MAST4: variants seen among roughly 807,000 people sequenced by gnomAD.
MAST4 encodes the protein microtubule-associated serine/threonine-protein kinase 4.
A neutral mutation model predicts 162.7 loss-of-function variants in MAST4; 89 were observed. The observed-to-expected ratio is 0.55, with a 90% CI of 0.46 to 0.65. The LOEUF is 0.65. Ranked by LOEUF, MAST4 falls within the 30% of genes least tolerant of loss-of-function variation. MAST4 has a pLI of 0.00. For missense variants in MAST4, 3,153 were observed against 3,374.0 expected (o/e 0.93, Z 1.62); for synonymous variants, 1,479 against 1,361.1 (o/e 1.09, Z -1.91).
chr5:67,029,368 A>G (rs1183944677), intron 4 of MAST4, among the ~76,000 whole-genome samples: 1 of 152,138 alleles, frequency 6.6e-6, no homozygotes, highest in African/African-American at 2.4e-5. Context: ...CCATCCTTAT[A>G]CTTATGTTTC....
intron 2 of MAST4, among the ~76,000 whole-genome samples, chr5:66,768,195 A>G (rs1421791755): frequency 6.6e-6 from 1 of 152,360 alleles, no homozygotes; most frequent in East Asian, 1.9e-4. Context: ...CTGGAAGGGT[A>G]TGAAGGGTCA....
At chr5:66,831,552 T>G (rs1757598542) in intron 3 of MAST4, among the ~76,000 whole-genome samples, 1 of 152,218 alleles carries the variant, frequency 6.6e-6, no homozygotes, top group Non-Finnish European at 1.5e-5. Flanking sequence ...CTATTAGTGG[T>G]GTTTTTAAAA....
At chr5:67,052,239 G>C (rs1386988634) in intron 4 of MAST4, among the ~76,000 whole-genome samples, 1 of 152,084 alleles carries the variant, frequency 6.6e-6, no homozygotes, top group Non-Finnish European at 1.5e-5. Context: ...TATTTATAAA[G>C]ATTAGAAATC....
At chr5:66,804,313 T>C (rs191954235) in intron 3 of MAST4, among the ~76,000 whole-genome samples, 86 of 152,322 alleles carry the variant, frequency 5.6e-4, no homozygotes, top group South Asian at 4.6e-3. Context: ...CATGCATTAA[T>C]AAGGATTTCT....
At chr5:66,867,352 T>C (rs1760606047) in intron 3 of MAST4, among the ~76,000 whole-genome samples, 1 of 152,204 alleles carries the variant, frequency 6.6e-6, no homozygotes, top group African/African-American at 2.4e-5. Flanking sequence ...TACATTGTTT[T>C]CCATAGAGCA....
chr5:66,882,547 C>G (rs1490803922), intron 3 of MAST4, among the ~76,000 whole-genome samples: 3 of 151,908 alleles, frequency 2.0e-5, no homozygotes, highest in Non-Finnish European at 4.4e-5. Flanking sequence ...GTTAGTAAGC[C>G]CATTTCATTC....
intron 21 of MAST4, chr5:67,142,773 C>T: frequency 2.5e-6 from 1 of 400,474 alleles, no homozygotes; most frequent in Non-Finnish European, 4.5e-6. Flanking sequence ...ATTCAGATAG[C>T]TGAGACCTTG....
At chr5:66,982,541 A>C (rs1748989938) in intron 4 of MAST4, among the ~76,000 whole-genome samples, 1 of 152,152 alleles carries the variant, frequency 6.6e-6, no homozygotes, top group African/African-American at 2.4e-5. Flanking sequence ...GCACATCCTA[A>C]AACAATGACA....
chr5:66,602,417 G>A (rs911093488), intron 1 of MAST4, among the ~76,000 whole-genome samples: 2 of 152,090 alleles, frequency 1.3e-5, no homozygotes, highest in African/African-American at 4.8e-5. Flanking sequence ...TCCAGGGAAT[G>A]TCAAATACTT....
At chr5:66,834,781 A>T (rs1158645796) in intron 3 of MAST4, among the ~76,000 whole-genome samples, 1 of 152,184 alleles carries the variant, frequency 6.6e-6, no homozygotes, top group African/African-American at 2.4e-5. Context: ...CTTAATCCTC[A>T]TGGGAAAATG....
Position 67,163,692 on chromosome 5 carries a change from G to A in MAST4, c.4513G>A (p.Val1505Met). 1 of 1,609,532 alleles carries A rather than the reference G, an allele frequency of 6.2e-7. No individual in the cohort carries two copies. Among genetic ancestry groups the A allele is most frequent in the African/African-American group, 1.3e-5 (1 of 74,996 alleles). The change falls in exon 29 of 29, where the codon GTG (valine) becomes ATG (methionine). Residue 1505 changes from valine (V) to methionine (M), a missense_variant. Transcript: ENST00000403625. This position sits in a 1 kb window ranked among gnomAD's most constrained non-coding sequence, Gnocchi z 7.0. Reference protein sequence around the residue: ...DVPPLSRARPVEQGCLKRPVS... With the variant: ...DVPPLSRARPMEQGCLKRPVS... ...GCCGCCGCTCAGCCGCGCCCGGCCA[G>A]TGGAGCAAGGCTGCCTGAAACGCCC...
chr5:66,618,191 T>G (rs1743842846), intron 1 of MAST4, among the ~76,000 whole-genome samples: 2 of 152,232 alleles, frequency 1.3e-5, no homozygotes, highest in African/African-American at 2.4e-5. Context: ...CGGCCTTTTC[T>G]GCGCAGGAAC....
intron 12 of MAST4, among the ~76,000 whole-genome samples, chr5:67,116,392 G>C (rs1766916054): frequency 6.6e-6 from 1 of 151,310 alleles, no homozygotes; most frequent in Admixed American, 6.6e-5. Flanking sequence ...TTTTAGTAGA[G>C]ATAAGGTTTC....
At position 67,166,712 on chromosome 5, in the gene MAST4, C is replaced by T. The variant is rs766002640; in HGVS notation, c.7533C>T (p.Gly2511=). 2.5e-6 allele frequency: 4 copies of T among 1,588,768 alleles called. No homozygotes were observed. The highest frequency in any genetic ancestry group is 3.4e-6 in the Non-Finnish European group (4 of 1,167,840). ...GGAAGGCTCAGCCTGCCGGGGAGGG[C>T]CGAACCCACATGACAAAGAGTGACT... ...DHRKAQPAGE[G]RTHMTKSDSL... is the part of the protein sequence containing the mutation. Residue 2511 remains glycine (G), a synonymous_variant, in exon 29 of 29, where the codon GGC becomes GGT. Transcript: ENST00000403625.
intron 1 of MAST4, among the ~76,000 whole-genome samples, chr5:66,692,985 T>G (rs1403920064): frequency 2.6e-5 from 1 of 38,338 alleles, no homozygotes; most frequent in African/African-American, 2.1e-4. Flanking sequence ...AAAGTTTGTA[T>G]TTTTTTTTTT....
intron 1 of MAST4, among the ~76,000 whole-genome samples, chr5:66,703,097 G>A (rs542105496): frequency 1.3e-5 from 2 of 152,228 alleles, no homozygotes; most frequent in Admixed American, 6.5e-5. Flanking sequence ...GGTGGCTGGC[G>A]TAGCACTGCT....
At chr5:67,059,676 A>C (rs979489630) in intron 5 of MAST4, among the ~76,000 whole-genome samples, 2 of 152,194 alleles carry the variant, frequency 1.3e-5, no homozygotes, top group African/African-American at 4.8e-5. Context: ...ATGAATTTGC[A>C]GGTGGCTACT....
intron 4 of MAST4, among the ~76,000 whole-genome samples, chr5:66,973,685 C>T (rs1400104728): frequency 6.6e-6 from 1 of 152,122 alleles, no homozygotes; most frequent in African/African-American, 2.4e-5. Flanking sequence ...TCATTGATGA[C>T]CTTGCTCAAA....
chr5:67,147,736 T>C (rs1771275787), intron 23 of MAST4, among the ~76,000 whole-genome samples: 1 of 152,244 alleles, frequency 6.6e-6, no homozygotes, highest in Non-Finnish European at 1.5e-5. Flanking sequence ...TTATTACTTG[T>C]GAAGCAGTTT....
Sources: allele counts gnomAD v4.1 joint callset (sites outside exome capture counted in the v4.1 genomes callset), GRCh38; gene constraint gnomAD v4.1.1; non-coding constraint Gnocchi (gnomAD v3.1); transcripts MANE v1.5; gene names NCBI Gene and HGNC (gene_info 2026-07-23, HGNC 2026-07-21).